The following PDE4D variants were observed in gnomAD, a reference collection of about 807,000 sequenced individuals.
The protein encoded by PDE4D is 3',5'-cyclic-AMP phosphodiesterase 4D.
In PDE4D, 24 loss-of-function variants were observed where a neutral mutation model predicts 87.4. That is an observed-to-expected ratio of 0.27 (90% confidence interval 0.20 to 0.39). The LOEUF is 0.39. PDE4D is among the 10% of genes least tolerant of loss of function. The pLI, the probability that PDE4D is intolerant of heterozygous loss-of-function variation, is 1.00. For missense variants in PDE4D, 714 were observed against 1,041.0 expected (o/e 0.69, Z 4.32); for synonymous variants, 384 against 383.2 (o/e 1.00, Z -0.02).
rs1759120878 is a variant in PDE4D, at chr5:59,039,119, C to T, written c.809-148G>A. The T allele has an allele frequency of 6.5e-6, 9 of 1,383,748 alleles. No homozygotes were observed. The South Asian group carries it at 9.7e-5, about 15-fold the overall frequency. The allele number at this position is 1,383,748 out of a possible 1,614,324, so 85.7% of individuals were successfully genotyped here. ...GGCTGCTCCTTCATATTGCCCAGCC[C>T]GGCAGTGCAACGGGGGCGGAGGCTG... On this transcript the variant is annotated intron_variant, in intron 5 of 14. Transcript: ENST00000340635.
At chr5:59,544,814 A>T (rs1816980467) in intron 1 of PDE4D, among the ~76,000 whole-genome samples, 1 of 152,222 alleles carries the variant, frequency 6.6e-6, no homozygotes, top group African/African-American at 2.4e-5. Context: ...ATCAATTTAT[A>T]GACAGAACAT....
At chr5:60,481,664 C>A (rs27224) in intron 1 of PDE4D, among the ~76,000 whole-genome samples, 17,015 of 152,128 alleles carry the variant, frequency 0.11, 1,345 homozygotes, top group East Asian at 0.37. Context: ...TTTCTCCCCA[C>A]CTTTTTATAA....
intron 1 of PDE4D, among the ~76,000 whole-genome samples, chr5:60,368,381 G>A (rs1464521214): frequency 1.3e-5 from 2 of 152,148 alleles, no homozygotes; most frequent in Admixed American, 6.5e-5. Flanking sequence ...AGTTTCACTG[G>A]GAATATCGTG....
chr5:59,085,073 A>C (rs1767421309), intron 5 of PDE4D, among the ~76,000 whole-genome samples: 1 of 152,190 alleles, frequency 6.6e-6, no homozygotes, highest in Admixed American at 6.5e-5. Flanking sequence ...ATATATAGTA[A>C]GAAAACAACC....
intron 1 of PDE4D, among the ~76,000 whole-genome samples, chr5:60,369,029 T>A (rs2149977958): frequency 6.6e-6 from 1 of 152,146 alleles, no homozygotes; most frequent in East Asian, 1.9e-4. Context: ...GCTGGCAGCC[T>A]CTCTCAGTTT....
intron 5 of PDE4D, among the ~76,000 whole-genome samples, chr5:59,143,395 T>C (rs1001373451): frequency 2.0e-5 from 3 of 152,198 alleles, no homozygotes; most frequent in African/African-American, 7.2e-5. Context: ...CAAGTAGATG[T>C]ATAGCATGGG....
At chr5:59,053,552 A>C (rs945162209) in intron 5 of PDE4D, among the ~76,000 whole-genome samples, 3 of 152,040 alleles carry the variant, frequency 2.0e-5, no homozygotes, top group African/African-American at 7.2e-5. Flanking sequence ...TGTCCTTCTG[A>C]AGACTTCATA....
In PDE4D at chr5:59,586,392, T is replaced by A. The variant is rs367848300; in HGVS notation, c.455+306776A>T. ...GTGCATCATGTTCGCAGATCTTCTGTCATTAATATTTTTCTTGTCTCCTAC... is the reference window on the plus strand; with the variant it reads ...GTGCATCATGTTCGCAGATCTTCTGACATTAATATTTTTCTTGTCTCCTAC... On this transcript the variant is annotated intron_variant, in intron 1 of 14. Coordinates refer to ENST00000340635, the MANE Select transcript of PDE4D (RefSeq NM_001104631.2). The A allele has an allele frequency of 3.7e-6, 6 of 1,610,020 alleles. No individual in the cohort carries two copies. The African/African-American group carries it at 8.0e-5, about 22-fold the overall frequency.
intron 1 of PDE4D, among the ~76,000 whole-genome samples, chr5:59,777,333 G>A (rs148001550): frequency 2.0e-5 from 3 of 152,332 alleles, no homozygotes; most frequent in Non-Finnish European, 4.4e-5. Flanking sequence ...CTATGAGAGG[G>A]ATGGGGCCAT....
At chr5:59,828,712 C>T (rs923641302) in intron 1 of PDE4D, among the ~76,000 whole-genome samples, 3 of 152,140 alleles carry the variant, frequency 2.0e-5, no homozygotes, top group South Asian at 2.1e-4. Context: ...CCCCATTGTG[C>T]GTCCTGTTAT....
chr5:59,550,737 G>T (rs891711464), intron 1 of PDE4D, among the ~76,000 whole-genome samples: 5 of 142,740 alleles, frequency 3.5e-5, no homozygotes, highest in African/African-American at 1.3e-4. Flanking sequence ...TCACTCTGTC[G>T]CCCAGGCTGA....
intron 6 of PDE4D, among the ~76,000 whole-genome samples, chr5:59,008,735 ACTTTACCAAATTTCT>A (rs1561291923): frequency 6.6e-6 from 1 of 152,102 alleles, no homozygotes; most frequent in Non-Finnish European, 1.5e-5. Context: ...GGTATACTGG[ACTTTACCAAATTTCT>A]CTTTGAAAAA....
chr5:60,421,019 C>G (rs1312036509), intron 1 of PDE4D, among the ~76,000 whole-genome samples: 3 of 152,356 alleles, frequency 2.0e-5, no homozygotes, highest in African/African-American at 7.2e-5. Flanking sequence ...AGTAGGTAAA[C>G]AAAGTGGCCA....
At chr5:59,789,975 T>A (rs1376247022) in intron 1 of PDE4D, among the ~76,000 whole-genome samples, 1 of 152,212 alleles carries the variant, frequency 6.6e-6, no homozygotes, top group Non-Finnish European at 1.5e-5. Context: ...GTTCTTTCTG[T>A]ACGTTTCTGC....
At chr5:59,478,113 C>A (rs1803633379) in intron 1 of PDE4D, among the ~76,000 whole-genome samples, 1 of 151,990 alleles carries the variant, frequency 6.6e-6, no homozygotes, top group African/African-American at 2.4e-5. Context: ...ATCTGGGTGA[C>A]AGAGTCCATA....
chr5:59,980,421 C>T (rs904078949), intron 3 of PDE4D, among the ~76,000 whole-genome samples: 1 of 152,174 alleles, frequency 6.6e-6, no homozygotes, highest in Non-Finnish European at 1.5e-5. Context: ...ATATGGGATT[C>T]CCCAACCAAT....
At chr5:60,376,720 C>G (rs745417895) in intron 1 of PDE4D, among the ~76,000 whole-genome samples, 46 of 152,290 alleles carry the variant, frequency 3.0e-4, no homozygotes, top group South Asian at 2.1e-3. Flanking sequence ...CACACAATGA[C>G]ATAACCATAG....
At chr5:59,832,899 T>C (rs958944573) in intron 1 of PDE4D, among the ~76,000 whole-genome samples, 1 of 151,778 alleles carries the variant, frequency 6.6e-6, no homozygotes, top group African/African-American at 2.4e-5. Flanking sequence ...AATCCCAACA[T>C]GGAAAAACAG....
At chr5:60,316,839 G>C (rs1422992868) in intron 1 of PDE4D, among the ~76,000 whole-genome samples, 4 of 152,196 alleles carry the variant, frequency 2.6e-5, no homozygotes, top group South Asian at 2.1e-4. Context: ...GGATGAAGCA[G>C]ACTTGATCAT....
Sources: gnomAD v4.1 joint callset for allele counts (sites outside exome capture counted in the v4.1 genomes callset) on GRCh38, gnomAD v4.1.1 for gene constraint, MANE v1.5 for transcripts, NCBI Gene and HGNC (gene_info 2026-07-23, HGNC 2026-07-21) for gene names.